The following TSHZ2 variants were observed in gnomAD, a reference collection of about 807,000 sequenced individuals.
The protein encoded by TSHZ2 is teashirt homolog 2.
Under a neutral mutation model 74.4 loss-of-function variants are expected in TSHZ2, and 21 were observed. The ratio of observed to expected loss-of-function variants is 0.28; its 90% CI spans 0.20 to 0.41. The LOEUF (loss-of-function observed/expected upper bound fraction) is 0.41. TSHZ2 is among the 10% of genes least tolerant of loss of function. The probability of loss-of-function intolerance (pLI) is 1.00; values close to 1 mark genes in which losing one functional copy is unlikely to be tolerated. For synonymous variants in TSHZ2, 540 were observed against 515.3 expected (o/e 1.05, Z -0.65); for missense variants, 1,244 against 1,293.5 (o/e 0.96, Z 0.59).
chr20:53,438,044 G>A (rs1027816626), intron 2 of TSHZ2, among the ~76,000 whole-genome samples: 8 of 151,732 alleles, frequency 5.3e-5, no homozygotes, highest in African/African-American at 1.9e-4. Context: ...ACGCAAAACA[G>A]ACTAATACAC....
chr20:53,106,827 A>G (rs535672951), intron 1 of TSHZ2, among the ~76,000 whole-genome samples: 2 of 151,392 alleles, frequency 1.3e-5, no homozygotes, highest in African/African-American at 4.9e-5. Flanking sequence ...CCTCCCAAGT[A>G]GCTGGGACTA....
intron 1 of TSHZ2, among the ~76,000 whole-genome samples, chr20:53,038,908 G>GTTTTTTT (rs1555817877): frequency 6.8e-5 from 10 of 148,098 alleles, no homozygotes; most frequent in African/African-American, 1.3e-4. Context: ...TTGTTTGTTT[G>GTTTTTTT]TTTTTGAGAT....
chr20:53,152,267 G>A (rs996881824), intron 1 of TSHZ2, among the ~76,000 whole-genome samples: 15 of 152,092 alleles, frequency 9.9e-5, no homozygotes, highest in Non-Finnish European at 1.6e-4. Context: ...TCAGAGGTGA[G>A]CCAGGGAACT....
chr20:53,056,661 C>T (rs952004497), intron 1 of TSHZ2, among the ~76,000 whole-genome samples: 2 of 152,186 alleles, frequency 1.3e-5, no homozygotes, highest in African/African-American at 4.8e-5. Context: ...CCCCAGCACA[C>T]ACTCAGCTGC....
At chr20:53,155,492 G>T (rs1987774279) in intron 1 of TSHZ2, among the ~76,000 whole-genome samples, 1 of 151,868 alleles carries the variant, frequency 6.6e-6, no homozygotes, top group South Asian at 2.1e-4. Flanking sequence ...GAGGACAGAG[G>T]ATCTCATTGA....
chr20:53,376,972 G>A (rs962925610), intron 2 of TSHZ2, among the ~76,000 whole-genome samples: 1 of 152,342 alleles, frequency 6.6e-6, no homozygotes, highest in East Asian at 1.9e-4. Flanking sequence ...CTCCATGGGA[G>A]GAATAGCAAA....
At chr20:53,286,886 T>TACACAC (rs71194467) in intron 2 of TSHZ2, among the ~76,000 whole-genome samples, 3,814 of 139,474 alleles carry the variant, frequency 0.027, 158 homozygotes, top group African/African-American at 0.092. Flanking sequence ...GTCTCAAAAA[T>TACACAC]ACACACACAC....
intron 2 of TSHZ2, among the ~76,000 whole-genome samples, chr20:53,482,232 T>C (rs914032104): frequency 6.6e-6 from 1 of 151,292 alleles, no homozygotes; most frequent in African/African-American, 2.4e-5. Context: ...ACAAGCCGTA[T>C]AAGAAGCAGT....
chr20:53,399,838 T>A (rs1982587527), intron 2 of TSHZ2: 1 of 151,914 alleles, frequency 6.6e-6, no homozygotes, highest in African/African-American at 2.4e-5. Flanking sequence ...TGCAAGAGAG[T>A]ATGAGTTTTG....
chr20:53,354,713 A>G (rs1278633021), intron 2 of TSHZ2, among the ~76,000 whole-genome samples: 5 of 152,250 alleles, frequency 3.3e-5, no homozygotes, highest in Non-Finnish European at 4.4e-5. Flanking sequence ...GCTAGCAACT[A>G]GACACTCTGT....
chr20:53,461,216 G>A (rs4432518), intron 2 of TSHZ2, among the ~76,000 whole-genome samples: 3,424 of 152,016 alleles, frequency 0.023, 57 homozygotes, highest in Admixed American at 0.032. Flanking sequence ...AGGACCCTCC[G>A]AGCCAGGTGC....
chr20:53,275,392 TATAAC>T (rs940633146), intron 2 of TSHZ2, among the ~76,000 whole-genome samples: 8 of 152,016 alleles, frequency 5.3e-5, no homozygotes, highest in Non-Finnish European at 8.8e-5. Context: ...AATGGGGAAT[TATAAC>T]TGAACATTAG....
rs1746199738 is a variant in TSHZ2 at position 53,494,537 on chromosome 20, T to TA, written c.*7407dup. The TA allele has an allele frequency of 6.6e-6, 1 of 152,078 alleles. No homozygotes were observed. Among genetic ancestry groups the TA allele is most frequent in the Admixed American group, 6.5e-5 (1 of 15,276 alleles). The allele number at this position is 152,078 out of a possible 1,614,324, so 9.4% of individuals were successfully genotyped here. The stretch of plus-strand genomic sequence containing the variant: ...TTATCTGTAGAAGGGGAATTTTTTT[T>TA]AAAAATACAATTTTATCACTAGAAA... On this transcript the variant is annotated 3_prime_UTR_variant, in exon 3 of 3. Coordinates refer to ENST00000371497, the MANE Select transcript of TSHZ2 (RefSeq NM_173485.6).
chr20:53,024,458 T>G (rs1983361732), intron 1 of TSHZ2, among the ~76,000 whole-genome samples: 1 of 151,886 alleles, frequency 6.6e-6, no homozygotes, highest in Non-Finnish European at 1.5e-5. Context: ...AGAAGAACAT[T>G]AAACCATGGT....
intron 1 of TSHZ2, among the ~76,000 whole-genome samples, chr20:53,016,605 C>T (rs1983049242): frequency 6.6e-6 from 1 of 152,032 alleles, no homozygotes; most frequent in Non-Finnish European, 1.5e-5. Context: ...TTTACGGTTT[C>T]CAGAATTTTG....
At chr20:53,319,377 C>T (rs1163165459) in intron 2 of TSHZ2, among the ~76,000 whole-genome samples, 1 of 152,206 alleles carries the variant, frequency 6.6e-6, no homozygotes, top group South Asian at 2.1e-4. Context: ...CTTTAAGTTA[C>T]TATGACACTC....
chr20:53,309,674 G>T (rs59652776), intron 2 of TSHZ2, among the ~76,000 whole-genome samples: 6,490 of 152,220 alleles, frequency 0.043, 474 homozygotes, highest in African/African-American at 0.15. Flanking sequence ...TATTAATATT[G>T]CTGCTTCTTC....
chr20:53,103,296 C>G (rs2123299216), intron 1 of TSHZ2, among the ~76,000 whole-genome samples: 1 of 152,252 alleles, frequency 6.6e-6, no homozygotes, highest in South Asian at 2.1e-4. Context: ...GGTTCTACTT[C>G]TCTCTTTATT....
chr20:53,430,862 T>G (rs1185874084), intron 2 of TSHZ2, among the ~76,000 whole-genome samples: 2 of 152,130 alleles, frequency 1.3e-5, no homozygotes, highest in East Asian at 3.9e-4. Flanking sequence ...TTCAACTGAT[T>G]CTCCTGCCTC....
Sources: allele counts gnomAD v4.1 joint callset (sites outside exome capture counted in the v4.1 genomes callset), GRCh38; gene constraint gnomAD v4.1.1; transcripts MANE v1.5; gene names NCBI Gene and HGNC (gene_info 2026-07-23, HGNC 2026-07-21).